Variants in RIPK4 observed in about 807,000 individuals in gnomAD.
RIPK4 encodes the protein receptor-interacting serine/threonine-protein kinase 4.
RIPK4 carries 17 observed loss-of-function variants against 42.9 expected under a neutral mutation model. The ratio of observed to expected loss-of-function variants is 0.40; its 90% CI spans 0.27 to 0.59. RIPK4 has a LOEUF of 0.59. Ranked by LOEUF, RIPK4 falls within the 20% of genes least tolerant of loss-of-function variation. RIPK4 has a pLI of 0.47. For missense variants in RIPK4, 897 were observed against 1,104.4 expected (o/e 0.81, Z 2.66); for synonymous variants, 498 against 499.1 (o/e 1.00, Z 0.03).
At chr21:41,759,329 G>A (rs1362442246) in intron 1 of RIPK4, among the ~76,000 whole-genome samples, 2 of 152,094 alleles carry the variant, frequency 1.3e-5, no homozygotes, top group Admixed American at 6.5e-5. Context: ...CTAGGCTCAA[G>A]TGATTTGCCT....
chr21:41,756,927 A>T, intron 1 of RIPK4, 111 bp from the exon 2 acceptor site: 18 of 1,084,668 alleles, frequency 1.7e-5, no homozygotes, highest in Non-Finnish European at 2.2e-5. Flanking sequence ...AAATGCCTCA[A>T]GTGCACACAC....
rs142807684 is a variant in RIPK4, at chr21:41,759,760, C to T, written c.183-2944G>A. On this transcript the variant is annotated intron_variant, in intron 1 of 7. Transcript: ENST00000332512. The stretch of plus-strand genomic sequence containing the variant: ...CGCATCCATTTCTTAATGATCTGAC[C>T]GCCCCTGCGAGAGTTCAGCCCCTCC... Among the ~76,000 whole-genome samples the T allele has an allele frequency of 9.2e-5, 14 of 152,344 alleles. No homozygotes were observed. In the East Asian group the frequency reaches 1.9e-3, roughly 21 times the overall value.
At chr21:41,752,088 C>T (rs1423699808) in intron 2 of RIPK4, among the ~76,000 whole-genome samples, 1 of 152,294 alleles carries the variant, frequency 6.6e-6, no homozygotes, top group South Asian at 2.1e-4. Flanking sequence ...CAGTGTCCTA[C>T]CCTCTCCAGT....
chr21:41,756,968 T>A, intron 1 of RIPK4, 152 bp from the exon 2 acceptor site: 4 of 764,732 alleles, frequency 5.2e-6, no homozygotes, highest in Non-Finnish European at 2.1e-6. Flanking sequence ...ACATCACGAA[T>A]GCAGGGCTTT....
intron 3 of RIPK4, among the ~76,000 whole-genome samples, chr21:41,750,186 C>T (rs1601679068): frequency 6.6e-6 from 1 of 152,318 alleles, no homozygotes; most frequent in East Asian, 1.9e-4. Flanking sequence ...GCCTGGGCTG[C>T]TGGCGGCGGC....
At chr21:41,743,326 A>G (rs1228684784) in intron 7 of RIPK4, among the ~76,000 whole-genome samples, 1 of 152,264 alleles carries the variant, frequency 6.6e-6, no homozygotes. Context: ...AAAAGCCATC[A>G]AAATTAACAT....
chr21:41,739,971 C>G lies in RIPK4; in HGVS notation c.*867G>C, dbSNP rs2061147235. On this transcript the variant is annotated 3_prime_UTR_variant, in exon 8 of 8. Transcript: ENST00000332512. ...AACACAGCTTCTCCTGCACCTCTTC[C>G]CCAAGACTGGTGCACTCCAGCGACC... 1 of 152,244 alleles carries G rather than the reference C, an allele frequency of 6.6e-6. No homozygotes were observed. Among genetic ancestry groups the G allele is most frequent in the African/African-American group, 2.4e-5 (1 of 41,462 alleles). The allele number at this position is 152,244 out of a possible 1,614,324, so 9.4% of individuals were successfully genotyped here.
chr21:41,742,146 G>A lies in RIPK4; in HGVS notation c.1196-149C>T. 1 of 739,614 alleles carries A rather than the reference G, an allele frequency of 1.4e-6. No homozygotes were observed. The highest frequency in any genetic ancestry group is 2.5e-5 in the East Asian group (1 of 39,336). 45.8% of individuals were successfully genotyped at this position (739,614 alleles called of 1,614,324 possible). A position where few individuals can be genotyped will look rare whatever the true frequency, so the allele number is the denominator to read the frequency against. ...ACCCGACTGTGTTTGAGCGTTGTCT[G>A]TGCCTCGTGATTAAGGTCAGTCCTA... On this transcript the variant is annotated intron_variant, in intron 7 of 7. Transcript: ENST00000332512. The surrounding 1 kb of genome is among the most constrained non-coding windows in gnomAD (Gnocchi z 5.1).
In RIPK4 at chr21:41,742,113, C is replaced by A. The variant is rs765909147; in HGVS notation, c.1196-116G>T. On this transcript the variant is annotated intron_variant, in intron 7 of 7. Transcript: ENST00000332512. The surrounding 1 kb of genome is among the most constrained non-coding windows in gnomAD (Gnocchi z 5.1). ...GGAGTGCCATGGCCTCCAGGCTGCT[C>A]GCTGGTCACCCGACTGTGTTTGAGC... 1.1e-6 allele frequency: 1 copy of A among 887,426 alleles called. No individual in the cohort carries two copies. Among genetic ancestry groups the A allele is most frequent in the Non-Finnish European group, 1.7e-6 (1 of 574,690 alleles). 55.0% of individuals were successfully genotyped at this position (887,426 alleles called of 1,614,324 possible). A position where few individuals can be genotyped will look rare whatever the true frequency, so the allele number is the denominator to read the frequency against.
In RIPK4 at chr21:41,740,560, C is replaced by T. The variant is rs2061149303; in HGVS notation, c.*278G>A. The T allele has an allele frequency of 2.3e-6, 1 of 443,102 alleles. No homozygotes were observed. Among genetic ancestry groups the T allele is most frequent in the East Asian group, 3.8e-5 (1 of 26,360 alleles). 27.4% of individuals were successfully genotyped at this position (443,102 alleles called of 1,614,324 possible). A position where few individuals can be genotyped will look rare whatever the true frequency, so the allele number is the denominator to read the frequency against. On this transcript the variant is annotated 3_prime_UTR_variant, in exon 8 of 8. Coordinates refer to ENST00000332512, the MANE Select transcript of RIPK4 (RefSeq NM_020639.3). ...ATCACTGAGAGACCAGCCTCAGCGA[C>T]CCATTAGGAGCACAACGAAATGATT...
At position 41,748,468 on chromosome 21, in the gene RIPK4, C is replaced by T. The variant is rs117035335; in HGVS notation, c.673+686G>A. ...GTGTGACAACTTTGAGGATGGTGTT[C>T]GGAATGGTGGCTGCCTGGCTGGGGA... On this transcript the variant is annotated intron_variant, in intron 4 of 7. Coordinates refer to ENST00000332512, the MANE Select transcript of RIPK4 (RefSeq NM_020639.3). Among the ~76,000 whole-genome samples the T allele has an allele frequency of 6.6e-5, 10 of 152,154 alleles. No individual in the cohort carries two copies. The South Asian group carries it at 1.0e-3, about 16-fold the overall frequency.
chr21:41,742,097 T>A lies in RIPK4; in HGVS notation c.1196-100A>T, dbSNP rs2061156584. The A allele has an allele frequency of 1.5e-5, 16 of 1,052,726 alleles. No individual in the cohort carries two copies. Among genetic ancestry groups the A allele is most frequent in the South Asian group, 7.7e-5 (5 of 65,336 alleles). 65.2% of individuals were successfully genotyped at this position (1,052,726 alleles called of 1,614,324 possible). A position where few individuals can be genotyped will look rare whatever the true frequency, so the allele number is the denominator to read the frequency against. ...GTGGCGCTCAGGTGGAGGAGTGCCA[T>A]GGCCTCCAGGCTGCTCGCTGGTCAC... On this transcript the variant is annotated intron_variant, in intron 7 of 7. Transcript: ENST00000332512. This position sits in a 1 kb window ranked among gnomAD's most constrained non-coding sequence, Gnocchi z 5.1.
Position 41,766,781 on chromosome 21 carries a change from G to A in RIPK4, c.182+79C>T, listed in dbSNP as rs527649405. On this transcript the variant is annotated intron_variant, in intron 1 of 7. Coordinates refer to ENST00000332512, the MANE Select transcript of RIPK4 (RefSeq NM_020639.3). ...GGGGTGAGTTCGGGAGAGAGAGGCAGGACCCCGGGACCAGAGCACCCCGAC... is the reference window on the plus strand; with the variant it reads ...GGGGTGAGTTCGGGAGAGAGAGGCAAGACCCCGGGACCAGAGCACCCCGAC... The A allele has an allele frequency of 2.1e-5, 30 of 1,431,302 alleles. 2 individuals carry two copies. In the South Asian group the frequency reaches 3.8e-4, roughly 18 times the overall value. The allele number at this position is 1,431,302 out of a possible 1,614,324, so 88.7% of individuals were successfully genotyped here. A position where few individuals can be genotyped will look rare whatever the true frequency, so the allele number is the denominator to read the frequency against.
intron 1 of RIPK4, 73 bp downstream of exon 1, chr21:41,766,787 C>A: frequency 6.8e-7 from 1 of 1,476,754 alleles, no homozygotes; most frequent in Non-Finnish European, 9.2e-7. Context: ...GGCAGGACCC[C>A]GGGACCAGAG....
chr21:41,746,851 C>T (rs949002707), intron 4 of RIPK4, 80 bp from the exon 5 acceptor site: 10 of 1,473,652 alleles, frequency 6.8e-6, no homozygotes, highest in African/African-American at 5.6e-5. Context: ...ACGACACACT[C>T]GCCGGGGGCC....
rs143840048 is a variant in RIPK4 at position 41,746,854 on chromosome 21, C to T, written c.674-83G>A. 2.9e-4 allele frequency: 428 copies of T among 1,468,740 alleles called. No individual in the cohort carries two copies. In the African/African-American group the frequency reaches 5.2e-3, roughly 18 times the overall value. 91.0% of individuals were successfully genotyped at this position (1,468,740 alleles called of 1,614,324 possible). A position where few individuals can be genotyped will look rare whatever the true frequency, so the allele number is the denominator to read the frequency against. The stretch of plus-strand genomic sequence containing the variant: ...CCTTGGGAGGAAACGACACACTCGC[C>T]GGGGGCCACAATGGGGCCATCCCCA... On this transcript the variant is annotated intron_variant, in intron 4 of 7. Transcript: ENST00000332512.
chr21:41,758,332 G>A (rs2061211344), intron 1 of RIPK4, among the ~76,000 whole-genome samples: 3 of 152,126 alleles, frequency 2.0e-5, no homozygotes, highest in African/African-American at 4.8e-5. Context: ...TTGCCCTTCT[G>A]TGTCTGGCTT....
In RIPK4 at chr21:41,741,424, G is replaced by A. The variant is rs1464885521; in HGVS notation, c.1769C>T (p.Ala590Val). 1.2e-6 allele frequency: 2 copies of A among 1,612,836 alleles called. No individual in the cohort carries two copies. ...QGHLPIVKLL[A>V]KQPGVSVNAQ... is the part of the protein sequence containing the mutation. ...GTTCACACTCACCCCCGGCTGCTTGGCCAGCAGCTTGACGATGGGCAGGTG... is the reference window on the plus strand; with the variant it reads ...GTTCACACTCACCCCCGGCTGCTTGACCAGCAGCTTGACGATGGGCAGGTG... Residue 590 changes from alanine (A) to valine (V), a missense_variant, in exon 8 of 8, where the codon GCC (alanine) becomes GTC (valine). By Grantham distance (64) the Ala-to-Val change is moderately conservative (BLOSUM62 0). Coordinates refer to ENST00000332512, the MANE Select transcript of RIPK4 (RefSeq NM_020639.3).
chr21:41,758,094 C>T (rs1461694787), intron 1 of RIPK4, among the ~76,000 whole-genome samples: 1 of 119,112 alleles, frequency 8.4e-6, no homozygotes, highest in African/African-American at 3.4e-5. Context: ...GTCAAATAGA[C>T]ATAACATAGT....
Sources: gnomAD v4.1 joint callset for allele counts (sites outside exome capture counted in the v4.1 genomes callset) on GRCh38, gnomAD v4.1.1 for gene constraint, Gnocchi (gnomAD v3.1) non-coding constraint, MANE v1.5 for transcripts, NCBI Gene and HGNC (gene_info 2026-07-23, HGNC 2026-07-21) for gene names.